Variants in NHSL1 observed in about 807,000 individuals in gnomAD.
NHSL1 encodes the protein NHS-like protein 1.
In NHSL1, 48 loss-of-function variants were observed where a neutral mutation model predicts 95.0. The ratio of observed to expected loss-of-function variants is 0.51; its 90% CI spans 0.40 to 0.64. The LOEUF is 0.64. NHSL1 is among the 30% of genes least tolerant of loss of function. The pLI is 0.00. For missense variants in NHSL1, 1,971 were observed against 2,077.7 expected (o/e 0.95, Z 1.00); for synonymous variants, 783 against 833.9 (o/e 0.94, Z 1.05).
chr6:138,485,318 C>A (rs925636917), intron 2 of NHSL1, among the ~76,000 whole-genome samples: 1 of 152,080 alleles, frequency 6.6e-6, no homozygotes, highest in Non-Finnish European at 1.5e-5. Flanking sequence ...GCTGAAACAG[C>A]AGACTGGCTA....
exon 1 of NHSL1, chr6:138,572,074 A>G (rs1783860430): frequency 5.1e-6 from 3 of 587,256 alleles, no homozygotes; most frequent in Non-Finnish European, 8.8e-6. Context: ...GTGTCACCCA[A>G]TTAAAAAGAA....
In NHSL1 at chr6:138,587,301, G is replaced by A. The variant is rs117680172; in HGVS notation, c.97-90930C>T. Among the ~76,000 whole-genome samples the A allele has an allele frequency of 9.0e-3, 1,361 of 151,544 alleles. 18 individuals carry two copies. Among genetic ancestry groups the A allele is most frequent in the East Asian group, 0.082 (410 of 4,992 alleles). Reference sequence around the variant, plus strand: ...CTTGTGTTTTTAAACAGCTTCATGCGCCTGGAGCAGTGGCTCACACCTGTA... The same window carrying A: ...CTTGTGTTTTTAAACAGCTTCATGCACCTGGAGCAGTGGCTCACACCTGTA... On this transcript the variant is annotated intron_variant, in intron 1 of 3. Coordinates refer to the NHSL1 transcript ENST00000491526.
rs1775710585 is a variant in NHSL1 at position 138,431,972 on chromosome 6, T to C, written c.2373A>G (p.Glu791=). 1 of 1,551,732 alleles carries C rather than the reference T, an allele frequency of 6.4e-7. No individual in the cohort carries two copies. The change falls in exon 6 of 8, where the codon GAA becomes GAG. Residue 791 remains glutamate (E), a synonymous_variant. Transcript: ENST00000343505. This position sits in a 1 kb window ranked among gnomAD's most constrained non-coding sequence, Gnocchi z 4.0. ...GYYIDYTGMQ[E]DPGNPAGGCS... ...AGCCCCCTGCCGGGTTCCCCGGATCTTCCTGCATGCCCGTGTAGTCAATGT... is the reference window on the plus strand; with the variant it reads ...AGCCCCCTGCCGGGTTCCCCGGATCCTCCTGCATGCCCGTGTAGTCAATGT...
intron 3 of NHSL1, among the ~76,000 whole-genome samples, chr6:138,468,503 G>C (rs1778537015): frequency 6.6e-6 from 1 of 152,198 alleles, no homozygotes. Flanking sequence ...GGCAGCATTA[G>C]ATTCTCATAG....
chr6:138,620,032 T>A (rs1193707079), intron 1 of NHSL1, among the ~76,000 whole-genome samples: 1 of 150,186 alleles, frequency 6.7e-6, no homozygotes, highest in African/African-American at 2.5e-5. Flanking sequence ...AACCTAATAA[T>A]CAGTTTTTAA....
rs1367130338 is a variant in NHSL1 at position 138,522,666 on chromosome 6, A to C, written c.16+22957T>G. ...CAAATAAAATAAAATAAAATAATTT[A>C]CTCAGGTGTGGTGGCGCACATGTGG... On this transcript the variant is annotated intron_variant, in intron 1 of 4. Coordinates refer to the NHSL1 transcript ENST00000342260. 3.3e-5 allele frequency among the ~76,000 whole-genome samples: 5 copies of C among 152,076 alleles called. No individual in the cohort carries two copies. In the East Asian group the frequency reaches 9.7e-4, roughly 29 times the overall value.
intron 1 of NHSL1, among the ~76,000 whole-genome samples, chr6:138,648,920 T>C (rs1226679361): frequency 6.6e-6 from 1 of 152,162 alleles, no homozygotes; most frequent in Non-Finnish European, 1.5e-5. Flanking sequence ...AACTATAAAA[T>C]AGCATATCTG....
intron 1 of NHSL1, among the ~76,000 whole-genome samples, chr6:138,505,274 T>G (rs1780899392): frequency 6.6e-6 from 1 of 152,208 alleles, no homozygotes; most frequent in Non-Finnish European, 1.5e-5. Flanking sequence ...TCAAATATTG[T>G]ACACAGGAGT....
intron 1 of NHSL1, among the ~76,000 whole-genome samples, chr6:138,605,132 T>C (rs1415904601): frequency 6.6e-6 from 1 of 152,196 alleles, no homozygotes; most frequent in Non-Finnish European, 1.5e-5. Context: ...CACTGCATTA[T>C]CAAAAGCAGA....
At chr6:138,452,994 G>A (rs773965554) in intron 3 of NHSL1, among the ~76,000 whole-genome samples, 6 of 151,930 alleles carry the variant, frequency 3.9e-5, no homozygotes, top group Non-Finnish European at 5.9e-5. Flanking sequence ...CTTTTGAGAC[G>A]GAGTCTCACT....
chr6:138,454,531 T>G (rs553056434), intron 3 of NHSL1, among the ~76,000 whole-genome samples: 9 of 152,180 alleles, frequency 5.9e-5, no homozygotes, highest in Non-Finnish European at 1.0e-4. Context: ...TCTAGAGTCG[T>G]AAGTCTAGGT....
intron 1 of NHSL1, among the ~76,000 whole-genome samples, chr6:138,630,804 G>A (rs1238406592): frequency 6.6e-6 from 1 of 152,138 alleles, no homozygotes; most frequent in Non-Finnish European, 1.5e-5. Flanking sequence ...CAATGGGAAG[G>A]GGGCAAGGCA....
intron 1 of NHSL1, among the ~76,000 whole-genome samples, chr6:138,591,042 T>G (rs1477238448): frequency 1.3e-5 from 2 of 152,122 alleles, no homozygotes; most frequent in Non-Finnish European, 2.9e-5. Flanking sequence ...GGGAATCGCC[T>G]CCTCTCAAGA....
chr6:138,646,616 G>T (rs975436203), intron 1 of NHSL1, among the ~76,000 whole-genome samples: 8 of 152,194 alleles, frequency 5.3e-5, no homozygotes, highest in African/African-American at 1.9e-4. Flanking sequence ...TGCCAATCTG[G>T]AATTGTTGAA....
Position 138,447,044 on chromosome 6 carries a change from T to C in NHSL1, c.489A>G (p.Gln163=). 6.4e-7 allele frequency: 1 copy of C among 1,551,756 alleles called. No individual in the cohort carries two copies. The highest frequency in any genetic ancestry group is 1.2e-5 in the South Asian group (1 of 84,066). The change falls in exon 4 of 8, where the codon CAA becomes CAG. Residue 163 remains glutamine (Q), a synonymous_variant. Coordinates refer to ENST00000343505, the MANE Select transcript of NHSL1 (RefSeq NM_001144060.2). ...CCACGTCAGCCTGGACTGTTTGGGC[T>C]TGCTGTCGCATCTTCTCTTCTGGTG... ...LPTPEEKMRQ[Q]AQTVQADVVP...
intron 1 of NHSL1, among the ~76,000 whole-genome samples, chr6:138,631,947 G>A (rs73774871): frequency 0.011 from 1,722 of 152,166 alleles, 39 homozygotes; most frequent in African/African-American, 0.039. Context: ...CTTGGCTCTT[G>A]GACAGCATCT....
chr6:138,622,021 A>G (rs1001593392), intron 1 of NHSL1, among the ~76,000 whole-genome samples: 1 of 152,182 alleles, frequency 6.6e-6, no homozygotes, highest in Non-Finnish European at 1.5e-5. Context: ...AAATGAGGTA[A>G]GGTGTGTGAA....
rs539495822 is a variant in NHSL1 at position 138,639,882 on chromosome 6, T to G, written c.96+52594A>C. ...ATTCTTACAAACCATTTTTCAAATT[T>G]TAGCTTTTTTTTTTTTTTTACAAAA... is the stretch of plus-strand genomic sequence containing the variant. On this transcript the variant is annotated intron_variant, in intron 1 of 3. Transcript: ENST00000491526. 4.2e-5 allele frequency among the ~76,000 whole-genome samples: 6 copies of G among 144,284 alleles called. No individual in the cohort carries two copies. In the East Asian group the frequency reaches 1.2e-3, roughly 29 times the overall value. The allele number at this position is 144,284 out of a possible 152,430, so 94.7% of individuals were successfully genotyped here. A position where few individuals can be genotyped will look rare whatever the true frequency, so the allele number is the denominator to read the frequency against.
intron 1 of NHSL1, among the ~76,000 whole-genome samples, chr6:138,532,356 C>G (rs1325530241): frequency 6.6e-6 from 1 of 152,174 alleles, no homozygotes; most frequent in African/African-American, 2.4e-5. Context: ...ACTTTTTAAC[C>G]AGAGAAGAAA....
Sources: allele counts gnomAD v4.1 joint callset (sites outside exome capture counted in the v4.1 genomes callset), GRCh38; gene constraint gnomAD v4.1.1; non-coding constraint Gnocchi (gnomAD v3.1); transcripts MANE v1.5; gene names NCBI Gene and HGNC (gene_info 2026-07-23, HGNC 2026-07-21).